GMDS: variants seen among roughly 807,000 people sequenced by gnomAD.
GMDS encodes GDP-mannose 4,6 dehydratase.
Under a neutral mutation model 49.9 loss-of-function variants are expected in GMDS, and 20 were observed. That is an observed-to-expected ratio of 0.40 (90% CI 0.28 to 0.58). The LOEUF (loss-of-function observed/expected upper bound fraction) is 0.58. GMDS is among the 20% of genes least tolerant of loss of function. GMDS has a pLI of 0.42. For missense variants in GMDS, 362 were observed against 481.4 expected (o/e 0.75, Z 2.32); for synonymous variants, 177 against 178.6 (o/e 0.99, Z 0.07).
At chr6:2,015,738 G>A (rs1767849148) in intron 4 of GMDS, among the ~76,000 whole-genome samples, 1 of 152,114 alleles carries the variant, frequency 6.6e-6, no homozygotes, top group South Asian at 2.1e-4. Context: ...TGGAACACAC[G>A]TTTGTTCATG....
intron 1 of GMDS, among the ~76,000 whole-genome samples, chr6:2,223,411 A>G (rs1261646663): frequency 6.6e-6 from 1 of 151,854 alleles, no homozygotes; most frequent in East Asian, 1.9e-4. Flanking sequence ...CTGAGGAGCG[A>G]CCATCTGACA....
intron 4 of GMDS, among the ~76,000 whole-genome samples, chr6:2,053,510 A>T (rs1212450966): frequency 6.6e-6 from 1 of 152,126 alleles, no homozygotes. Context: ...ATTAGCAAGT[A>T]TAAAAAGAAA....
At chr6:1,849,170 G>T (rs1472069314) in intron 7 of GMDS, among the ~76,000 whole-genome samples, 2 of 152,190 alleles carry the variant, frequency 1.3e-5, no homozygotes, top group African/African-American at 4.8e-5. Context: ...GTCACTTGTT[G>T]ATTAAATTAA....
chr6:2,207,372 T>C (rs764437511), intron 1 of GMDS, among the ~76,000 whole-genome samples: 1 of 151,982 alleles, frequency 6.6e-6, no homozygotes, highest in Admixed American at 6.5e-5. Flanking sequence ...CTTATGTTCA[T>C]TGGCCAGAAT....
intron 7 of GMDS, among the ~76,000 whole-genome samples, chr6:1,815,227 A>AG (rs201061456): frequency 2.0e-5 from 3 of 151,786 alleles, no homozygotes; most frequent in Admixed American, 1.3e-4. Context: ...TCTACCGAAA[A>AG]AAATTCAGCA....
chr6:2,158,473 T>C, intron 1 of GMDS, among the ~76,000 whole-genome samples: 1 of 152,184 alleles, frequency 6.6e-6, no homozygotes, highest in South Asian at 2.1e-4. Flanking sequence ...AAATTTCCAA[T>C]CAACCTCAAA....
intron 4 of GMDS, among the ~76,000 whole-genome samples, chr6:2,101,674 T>TG (rs1377730998): frequency 6.6e-6 from 1 of 152,068 alleles, no homozygotes; most frequent in Non-Finnish European, 1.5e-5. Flanking sequence ...ACACAAACTG[T>TG]GGGGGAAAAA....
chr6:1,710,369 A>G (rs563658704), intron 9 of GMDS, among the ~76,000 whole-genome samples: 102 of 152,376 alleles, frequency 6.7e-4, no homozygotes, highest in African/African-American at 2.4e-3. Flanking sequence ...TCAGATGCCT[A>G]AAACAGCTAG....
At chr6:1,975,080 G>A (rs1200004185) in intron 4 of GMDS, among the ~76,000 whole-genome samples, 1 of 151,696 alleles carries the variant, frequency 6.6e-6, no homozygotes, top group African/African-American at 2.4e-5. Flanking sequence ...TGGTCACACT[G>A]CAGATGAACT....
intron 2 of GMDS, among the ~76,000 whole-genome samples, chr6:2,119,381 T>C (rs1166235699): frequency 1.3e-5 from 2 of 152,134 alleles, no homozygotes; most frequent in Non-Finnish European, 2.9e-5. Flanking sequence ...CATTAAGCAC[T>C]GGTTGCTTTT....
In GMDS at chr6:1,946,424, G is replaced by A. The variant is rs56403345; in HGVS notation, c.643+13443C>T. 7.7e-3 allele frequency among the ~76,000 whole-genome samples: 1,166 copies of A among 152,234 alleles called. 14 individuals carry two copies. Among genetic ancestry groups the A allele is most frequent in the African/African-American group, 0.027 (1,104 of 41,534 alleles). On this transcript the variant is annotated intron_variant, in intron 6 of 10. Transcript: ENST00000380815. ...TGGATATAACTACAACTACTTCATC[G>A]TTTTATTATGGGGATTAAAAGAGAT...
chr6:2,002,280 G>A (rs1766867386), intron 4 of GMDS, among the ~76,000 whole-genome samples: 1 of 152,186 alleles, frequency 6.6e-6, no homozygotes, highest in Non-Finnish European at 1.5e-5. Flanking sequence ...TGCCCTCAGG[G>A]CTCCTTTATC....
intron 1 of GMDS, among the ~76,000 whole-genome samples, chr6:2,213,062 T>A (rs1780146983): frequency 6.6e-6 from 1 of 152,172 alleles, no homozygotes; most frequent in Non-Finnish European, 1.5e-5. Flanking sequence ...GTACATTATT[T>A]TTGTCCCAGT....
At chr6:2,173,740 G>A (rs1408303050) in intron 1 of GMDS, among the ~76,000 whole-genome samples, 1 of 152,228 alleles carries the variant, frequency 6.6e-6, no homozygotes, top group African/African-American at 2.4e-5. Flanking sequence ...AATTACTGCA[G>A]TGGTAGCTTT....
At chr6:2,127,407 T>C (rs1415213537) in intron 1 of GMDS, among the ~76,000 whole-genome samples, 1 of 97,046 alleles carries the variant, frequency 1.0e-5, no homozygotes, top group African/African-American at 3.0e-5. Context: ...CATTAAATGT[T>C]TAAAAAAAAA....
chr6:2,111,711 A>G (rs1774552942), intron 4 of GMDS, among the ~76,000 whole-genome samples: 1 of 152,184 alleles, frequency 6.6e-6, no homozygotes, highest in South Asian at 2.1e-4. Flanking sequence ...ACCTTTTTTC[A>G]AAAGGACACC....
chr6:1,652,451 T>TATAA (rs1187984259), intron 9 of GMDS, among the ~76,000 whole-genome samples: 1 of 12,438 alleles, frequency 8.0e-5, no homozygotes, highest in African/African-American at 2.8e-4. Flanking sequence ...TATTTATATA[T>TATAA]TATTTATATA....
chr6:1,703,525 G>C (rs772377100), intron 9 of GMDS, among the ~76,000 whole-genome samples: 53 of 152,078 alleles, frequency 3.5e-4, no homozygotes, highest in Non-Finnish European at 4.4e-4. Flanking sequence ...GTGCTGGGTG[G>C]AAGTCCATTC....
At chr6:1,863,286 G>A (rs1317842400) in intron 7 of GMDS, among the ~76,000 whole-genome samples, 1 of 151,892 alleles carries the variant, frequency 6.6e-6, no homozygotes, top group Non-Finnish European at 1.5e-5. Flanking sequence ...AAAAATTCTC[G>A]CAAGTAAAAA....
Sources: gnomAD v4.1 joint callset for allele counts (sites outside exome capture counted in the v4.1 genomes callset) on GRCh38, gnomAD v4.1.1 for gene constraint, MANE v1.5 for transcripts, NCBI Gene and HGNC (gene_info 2026-07-23, HGNC 2026-07-21) for gene names.